DNAAF8: variants seen among roughly 807,000 people sequenced by gnomAD.
The protein encoded by DNAAF8 is dynein axonemal assembly factor 8, also known as dynein axonemal-associated protein 1.
DNAAF8 carries 61 observed loss-of-function variants against 54.6 expected under a neutral mutation model. That is an observed-to-expected ratio of 1.12 (90% confidence interval 0.91 to 1.38). DNAAF8 has a LOEUF of 1.38. DNAAF8 is among the 40% of genes most tolerant of loss of function. The pLI is 0.00. For synonymous variants in DNAAF8, 320 were observed against 270.1 expected, an observed-to-expected ratio of 1.18 and a Z score of -1.81; for missense variants, 837 against 665.0, an observed-to-expected ratio of 1.26 and a Z score of -2.85.
intron 4 of DNAAF8, among the ~76,000 whole-genome samples, chr16:4,742,380 C>T: frequency 6.6e-6 from 1 of 151,880 alleles, no homozygotes; most frequent in Non-Finnish European, 1.5e-5. Context: ...CATGGTGAAA[C>T]CCCATCTCTA....
intron 6 of DNAAF8, 198 bp from the exon 7 acceptor site, chr16:4,746,177 G>A: frequency 1.8e-6 from 1 of 541,172 alleles, no homozygotes; most frequent in Non-Finnish European, 3.2e-6. Flanking sequence ...CATGAGGGAC[G>A]TTCTGTTGGC....
chr16:4,747,153 A>G, intron 8 of DNAAF8, 128 bp downstream of exon 8: 1 of 1,199,436 alleles, frequency 8.3e-7, no homozygotes, highest in Non-Finnish European at 1.2e-6. Context: ...GGTGAGGGGG[A>G]CGGCACAGCT....
intron 1 of DNAAF8, among the ~76,000 whole-genome samples, chr16:4,736,117 A>C (rs1329699731): frequency 6.6e-6 from 1 of 152,164 alleles, no homozygotes; most frequent in Non-Finnish European, 1.5e-5. Context: ...TATATATAAA[A>C]TATACCTATA....
At chr16:4,734,803 C>T (rs1326318849) in intron 1 of DNAAF8, 105 bp downstream of exon 1, 2 of 152,176 alleles carry the variant, frequency 1.3e-5, no homozygotes, top group Non-Finnish European at 2.9e-5. Context: ...TCCACTTCCA[C>T]AGCTTTAAAA....
intron 6 of DNAAF8, 72 bp from the exon 7 acceptor site, chr16:4,746,303 G>A: frequency 2.0e-6 from 3 of 1,490,328 alleles, no homozygotes; most frequent in Non-Finnish European, 2.7e-6. Context: ...CACTGTGACT[G>A]GACAAACCCA....
chr16:4,747,707 GTT>G, intron 9 of DNAAF8, 73 bp downstream of exon 9: 2 of 1,461,750 alleles, frequency 1.4e-6, no homozygotes, highest in South Asian at 2.8e-5. Flanking sequence ...TCCCCTTGTT[GTT>G]CCTGCATTTC....
intron 3 of DNAAF8, among the ~76,000 whole-genome samples, chr16:4,739,265 G>GTTTTTTTTTTGTTTTTTTTTTTT (rs2081931860): frequency 2.9e-5 from 2 of 69,030 alleles, no homozygotes; most frequent in Non-Finnish European, 5.2e-5. Context: ...ATTTTTTCTT[G>GTTTTTTTTTTGTTTTTTTTTTTT]TTTTTTTTTT....
At chr16:4,747,065 A>T in intron 8 of DNAAF8, 40 bp downstream of exon 8, 1 of 1,487,134 alleles carries the variant, frequency 6.7e-7, no homozygotes, top group Non-Finnish European at 9.0e-7. Context: ...CAGATGTCCC[A>T]CCTCTGCTTT....
At chr16:4,746,848 C>G in intron 7 of DNAAF8, 79 bp from the exon 8 acceptor site, 1 of 1,322,200 alleles carries the variant, frequency 7.6e-7, no homozygotes, top group Non-Finnish European at 1.0e-6. Flanking sequence ...CCAGCAAAGC[C>G]CGAGTGCTTC....
chr16:4,748,436 T>G (rs763992690), intron 9 of DNAAF8: 1 of 152,154 alleles, frequency 6.6e-6, no homozygotes, highest in Non-Finnish European at 1.5e-5. Flanking sequence ...ACACATAGAT[T>G]CTCAAGGCCT....
At chr16:4,737,187 T>C (rs1235142494) in intron 2 of DNAAF8, among the ~76,000 whole-genome samples, 1 of 152,276 alleles carries the variant, frequency 6.6e-6, no homozygotes, top group East Asian at 1.9e-4. Flanking sequence ...AGGTTGGCAC[T>C]GGGCGTTAAG....
Position 4,744,957 on chromosome 16 carries a change from G to T in DNAAF8, c.989G>T (p.Arg330Leu), listed in dbSNP as rs57622760. ...TTQSKASACA[R>L]KVPADTPQDT... The stretch of plus-strand genomic sequence containing the variant: ...CAGTCCAAGGCCTCTGCTTGTGCCC[G>T]GAAGGTGCCTGCCGACACTCCCCAG... Residue 330 changes from arginine (R) to leucine (L), a missense_variant, in exon 6 of 10, where the codon CGG becomes CTG. By Grantham distance (102) the Arg-to-Leu change is moderately radical. Transcript: ENST00000299320. The T allele has an allele frequency of 3.1e-3, 4,957 of 1,613,902 alleles. 138 individuals carry two copies. The African/African-American group carries it at 0.06, about 19-fold the overall frequency.
At chr16:4,736,054 T>A (rs1195403196) in intron 1 of DNAAF8, among the ~76,000 whole-genome samples, 1 of 152,112 alleles carries the variant, frequency 6.6e-6, no homozygotes, top group Non-Finnish European at 1.5e-5. Flanking sequence ...CTGTTGCTAT[T>A]TACTAAACAC....
chr16:4,734,987 G>C (rs1170107644), intron 1 of DNAAF8: 3 of 152,210 alleles, frequency 2.0e-5, no homozygotes, highest in Non-Finnish European at 4.4e-5. Context: ...GTTATTCAGA[G>C]GCGGCTCCGA....
At chr16:4,747,679 G>A (rs1199345779) in intron 9 of DNAAF8, 45 bp downstream of exon 9, 1 of 1,539,948 alleles carries the variant, frequency 6.5e-7, no homozygotes, top group Non-Finnish European at 8.8e-7. Context: ...GACTTGCCAT[G>A]GACCCTGGGC....
chr16:4,736,216 T>A (rs889040189), intron 1 of DNAAF8, among the ~76,000 whole-genome samples: 3 of 152,130 alleles, frequency 2.0e-5, no homozygotes, highest in African/African-American at 7.2e-5. Flanking sequence ...TATTTGTATA[T>A]TATTATGTAT....
rs954409143 is a variant in DNAAF8, at chr16:4,746,668, G to C, written c.1181+156G>C. 7 of 1,114,974 alleles carry C rather than the reference G, an allele frequency of 6.3e-6. No individual in the cohort carries two copies. The African/African-American group carries it at 1.1e-4, about 18-fold the overall frequency. 69.1% of individuals were successfully genotyped at this position (1,114,974 alleles called of 1,614,324 possible). A position where few individuals can be genotyped will look rare whatever the true frequency, so the allele number is the denominator to read the frequency against. Reference sequence around the variant, plus strand: ...AAAAGTGCTGGCCTACAGTCCCCCTGGGTCCCTGCAGGGAGGGAAGAGGGG... The same window carrying C: ...AAAAGTGCTGGCCTACAGTCCCCCTCGGTCCCTGCAGGGAGGGAAGAGGGG... On this transcript the variant is annotated intron_variant, in intron 7 of 9. Transcript: ENST00000299320.
At chr16:4,740,807 T>C (rs1478650487) in intron 4 of DNAAF8, 148 bp downstream of exon 4, 12 of 1,090,978 alleles carry the variant, frequency 1.1e-5, no homozygotes, top group South Asian at 8.3e-5. Context: ...CCTGTCTCAG[T>C]AGAGGGGTGG....
chr16:4,741,265 CAAA>C (rs2081958567), intron 4 of DNAAF8, among the ~76,000 whole-genome samples: 1 of 33,024 alleles, frequency 3.0e-5, no homozygotes, highest in East Asian at 1.6e-3. Context: ...AAGAAAGAAA[CAAA>C]GAAAGAAAGA....
Sources: gnomAD v4.1 joint callset for allele counts (sites outside exome capture counted in the v4.1 genomes callset) on GRCh38, gnomAD v4.1.1 for gene constraint, MANE v1.5 for transcripts, NCBI Gene and HGNC (gene_info 2026-07-23, HGNC 2026-07-21) for gene names.